SERPINE2: variants seen among roughly 807,000 people sequenced by gnomAD.
SERPINE2 encodes serpin family E member 2.
A neutral mutation model predicts 36.3 loss-of-function variants in SERPINE2; 14 were observed. That is an observed-to-expected ratio of 0.39 (90% CI 0.25 to 0.60). SERPINE2 has a LOEUF of 0.60. Among genes scored for constraint, SERPINE2 ranks in the 20% least tolerant of loss-of-function variants. The pLI is 0.57. For synonymous variants in SERPINE2, 192 were observed against 191.8 expected, an observed-to-expected ratio of 1.00 and a Z score of -0.01; for missense variants, 418 against 499.6, an observed-to-expected ratio of 0.84 and a Z score of 1.56.
At chr2:224,009,636 A>G (rs544764316) in intron 1 of SERPINE2, among the ~76,000 whole-genome samples, 1 of 152,136 alleles carries the variant, frequency 6.6e-6, no homozygotes, top group African/African-American at 2.4e-5. Context: ...TGGAGGCTGC[A>G]GTGAGCCGAG....
At chr2:224,036,014 C>T (rs926596057) in intron 1 of SERPINE2, among the ~76,000 whole-genome samples, 3 of 152,076 alleles carry the variant, frequency 2.0e-5, no homozygotes, top group Admixed American at 6.6e-5. Flanking sequence ...GACAAATCTT[C>T]GCTAACAATG....
chr2:224,007,629 A>G (rs1691472508), intron 1 of SERPINE2, among the ~76,000 whole-genome samples: 2 of 152,262 alleles, frequency 1.3e-5, no homozygotes, highest in Admixed American at 1.3e-4. Flanking sequence ...TCAAATATCT[A>G]GTCCATGTTC....
intron 5 of SERPINE2, 70 bp from the exon 6 acceptor site, chr2:223,982,851 T>A (rs1309816542): frequency 9.1e-7 from 1 of 1,094,642 alleles, no homozygotes; most frequent in Non-Finnish European, 1.4e-6. Context: ...AGTCGGTGCA[T>A]GTTTACAAAC....
At chr2:224,036,906 A>G (rs1287012363) in intron 1 of SERPINE2, among the ~76,000 whole-genome samples, 1 of 151,474 alleles carries the variant, frequency 6.6e-6, no homozygotes, top group Non-Finnish European at 1.5e-5. Flanking sequence ...ACAAGGAGAG[A>G]GAGGCACTGG....
intron 1 of SERPINE2, among the ~76,000 whole-genome samples, chr2:224,024,644 C>T (rs375349853): frequency 3.5e-4 from 54 of 152,326 alleles, no homozygotes; most frequent in African/African-American, 1.2e-3. Context: ...AAGCCTCCTT[C>T]CCCACCAATG....
intron 1 of SERPINE2, 146 bp from the exon 2 acceptor site, chr2:224,002,068 C>A (rs1188473815): frequency 1.4e-6 from 1 of 721,998 alleles, no homozygotes; most frequent in Non-Finnish European, 2.2e-6. Context: ...CCTCCGCCTC[C>A]TGGGTTCAAG....
intron 1 of SERPINE2, among the ~76,000 whole-genome samples, chr2:224,002,624 G>C (rs10184062): frequency 0.71 from 106,852 of 150,364 alleles, 37,997 homozygotes; most frequent in Non-Finnish European, 0.74. Flanking sequence ...TCCTGAATAT[G>C]TGGGATTACA....
Position 224,001,831 on chromosome 2 carries a change from G to A in SERPINE2, c.70C>T (p.Pro24Ser), listed in dbSNP as rs1414341507. 6.2e-7 allele frequency: 1 copy of A among 1,614,186 alleles called. No homozygotes were observed. Among genetic ancestry groups the A allele is most frequent in the Non-Finnish European group, 8.5e-7 (1 of 1,180,040 alleles). The change falls in exon 2 of 9, where the codon CCT (proline) becomes TCT (serine). Residue 24 changes from proline (P) to serine (S), a missense_variant. Transcript: ENST00000409304. ...TLPSICSHFN[P>S]LSLEELGSNT... Reference sequence around the variant, plus strand: ...GAGCCTAGTTCCTCGAGAGACAGAGGATTGAAGTGGGAGCAGATGGAAGGC... The same window carrying A: ...GAGCCTAGTTCCTCGAGAGACAGAGAATTGAAGTGGGAGCAGATGGAAGGC...
intron 1 of SERPINE2, chr2:224,030,964 A>T (rs1692343131): frequency 1.0e-6 from 1 of 985,332 alleles, no homozygotes; most frequent in African/African-American, 1.7e-5. Flanking sequence ...TAAAACCATG[A>T]TTCAAACGTA....
chr2:224,016,399 G>T (rs564945697), intron 1 of SERPINE2, among the ~76,000 whole-genome samples: 9 of 151,996 alleles, frequency 5.9e-5, no homozygotes, highest in Non-Finnish European at 1.3e-4. Context: ...CCAGCTACTC[G>T]GGAGGCTGAA....
rs144264093 is a variant in SERPINE2 at position 224,028,653 on chromosome 2, G to A, written c.-23+10446C>T. 2.4e-4 allele frequency among the ~76,000 whole-genome samples: 37 copies of A among 152,236 alleles called. No individual in the cohort carries two copies. The East Asian group carries it at 5.4e-3, about 22-fold the overall frequency. ...TCTCATTTTTCTCACCTATAAACCA[G>A]GAATGATTTCTACCTTACAAGGGTT... On this transcript the variant is annotated intron_variant, in intron 1 of 8. Transcript: ENST00000409304.
intron 1 of SERPINE2, among the ~76,000 whole-genome samples, chr2:224,028,113 G>C (rs887593266): frequency 6.6e-6 from 1 of 152,210 alleles, no homozygotes; most frequent in Non-Finnish European, 1.5e-5. Flanking sequence ...GTGAGTGGCA[G>C]GTGATGGCAG....
At chr2:224,026,077 C>T (rs553518205) in intron 1 of SERPINE2, among the ~76,000 whole-genome samples, 1 of 152,308 alleles carries the variant, frequency 6.6e-6, no homozygotes, top group South Asian at 2.1e-4. Flanking sequence ...ATCAAAATCT[C>T]CCATATGCAG....
intron 1 of SERPINE2, among the ~76,000 whole-genome samples, chr2:224,020,086 T>A (rs1280775965): frequency 6.6e-6 from 1 of 152,222 alleles, no homozygotes; most frequent in Non-Finnish European, 1.5e-5. Context: ...CCATACTTTG[T>A]CTGAATCACA....
At chr2:224,007,671 T>C (rs954923766) in intron 1 of SERPINE2, among the ~76,000 whole-genome samples, 12 of 152,360 alleles carry the variant, frequency 7.9e-5, no homozygotes, top group Non-Finnish European at 1.3e-4. Flanking sequence ...AATTACGATC[T>C]AAGTAAGCTC....
At chr2:224,005,055 TTTATATATATTATATA>T (rs1171673135) in intron 1 of SERPINE2, among the ~76,000 whole-genome samples, 1 of 95,396 alleles carries the variant, frequency 1.0e-5, no homozygotes, top group African/African-American at 7.2e-5. Context: ...TTTTATATAT[TTTATATATATTATATA>T]TATATATATA....
At position 224,013,368 on chromosome 2, in the gene SERPINE2, T is replaced by G. The variant is rs542100954; in HGVS notation, c.-22-11446A>C. Among the ~76,000 whole-genome samples, 12 of 152,272 alleles carry G rather than the reference T, an allele frequency of 7.9e-5. No homozygotes were observed. In the South Asian group the frequency reaches 8.3e-4, roughly 11 times the overall value. ...GCCTCCCAGCAGACAGGACAGGCCCTCCTTCAGGTGGCCTTTCTGGGGTGA... is the reference window on the plus strand; with the variant it reads ...GCCTCCCAGCAGACAGGACAGGCCCGCCTTCAGGTGGCCTTTCTGGGGTGA... On this transcript the variant is annotated intron_variant, in intron 1 of 8. Transcript: ENST00000409304.
At chr2:224,030,921 G>A (rs138438860) in intron 1 of SERPINE2, 1 of 977,496 alleles carries the variant, frequency 1.0e-6, no homozygotes, top group African/African-American at 1.7e-5. Context: ...AAAAAAACAA[G>A]TGTCTGAGGA....
At chr2:224,009,912 G>A (rs1574837386) in intron 1 of SERPINE2, among the ~76,000 whole-genome samples, 1 of 152,218 alleles carries the variant, frequency 6.6e-6, no homozygotes, top group African/African-American at 2.4e-5. Flanking sequence ...TAAGATGACA[G>A]TAATTGTTAA....
Sources: gnomAD v4.1 joint callset for allele counts (sites outside exome capture counted in the v4.1 genomes callset) on GRCh38, gnomAD v4.1.1 for gene constraint, MANE v1.5 for transcripts, NCBI Gene and HGNC (gene_info 2026-07-23, HGNC 2026-07-21) for gene names.